NSMCE1: variants seen among roughly 807,000 people sequenced by gnomAD.
The protein encoded by NSMCE1 is non-structural maintenance of chromosomes element 1 homolog.
In NSMCE1, 18 loss-of-function variants were observed where a neutral mutation model predicts 29.6. The ratio of observed to expected loss-of-function variants is 0.61; its 90% CI spans 0.42 to 0.90. The LOEUF (loss-of-function observed/expected upper bound fraction) is 0.90, where lower values mean the gene tolerates loss of function less well. Among genes scored for constraint, NSMCE1 ranks in the 40% least tolerant of loss-of-function variants. NSMCE1 has a pLI of 0.00. For missense variants in NSMCE1, 314 were observed against 343.6 expected (o/e 0.91, Z 0.68); for synonymous variants, 124 against 133.4 (o/e 0.93, Z 0.49).
chr16:27,226,648 G>T, intron 6 of NSMCE1, 72 bp downstream of exon 6: 1 of 963,826 alleles, frequency 1.0e-6, no homozygotes, highest in Non-Finnish European at 1.6e-6. Context: ...CCAGGATTCC[G>T]GGAAGTACCT....
At chr16:27,258,304 T>C (rs1171682176) in intron 1 of NSMCE1, among the ~76,000 whole-genome samples, 8 of 152,274 alleles carry the variant, frequency 5.3e-5, no homozygotes. Context: ...AAACGCTGGC[T>C]ACTGCCATGG....
intron 7 of NSMCE1, 111 bp downstream of exon 7, chr16:27,225,615 C>A: frequency 7.8e-7 from 1 of 1,281,644 alleles, no homozygotes; most frequent in African/African-American, 1.5e-5. Flanking sequence ...TAACACGGAC[C>A]CCCACACACC....
In NSMCE1 at chr16:27,225,168, TG is replaced by T; in HGVS notation, c.789del (p.Arg264GlyfsTer15). Reference sequence around the variant, plus strand: ...GCAGGGCACGATGGCTAATGCTGCCTGGACCGCAGGGACTTTTTGTTCGATT... The same window carrying T: ...GCAGGGCACGATGGCTAATGCTGCCTGACCGCAGGGACTTTTTGTTCGATT... The part of the protein sequence containing the change: ...VLKSNKKSLR[S>X]RQH On this transcript the variant is annotated frameshift_variant, in exon 8 of 8. Coordinates refer to ENST00000361439, the MANE Select transcript of NSMCE1 (RefSeq NM_145080.4). LOFTEE classifies it high-confidence loss of function. 1 of 1,600,804 alleles carries T rather than the reference TG, an allele frequency of 6.2e-7. No homozygotes were observed. Among genetic ancestry groups the T allele is most frequent in the South Asian group, 1.1e-5 (1 of 89,176 alleles).
At chr16:27,236,953 A>T (rs1006544666) in intron 2 of NSMCE1, among the ~76,000 whole-genome samples, 4 of 142,538 alleles carry the variant, frequency 2.8e-5, no homozygotes, top group African/African-American at 1.1e-4. Flanking sequence ...TCATAAAGTT[A>T]AAAAAAAAAA....
intron 2 of NSMCE1, among the ~76,000 whole-genome samples, chr16:27,247,292 G>T (rs772745683): frequency 6.6e-6 from 1 of 152,044 alleles, no homozygotes; most frequent in Non-Finnish European, 1.5e-5. Flanking sequence ...GTTTTATAAG[G>T]GTCTTTTCCC....
intron 1 of NSMCE1, among the ~76,000 whole-genome samples, chr16:27,259,171 A>T (rs2084125408): frequency 6.6e-6 from 1 of 152,058 alleles, no homozygotes; most frequent in African/African-American, 2.4e-5. Flanking sequence ...TCTGCACCTC[A>T]ACAAAGCCTA....
rs557504348 is a variant in NSMCE1, at chr16:27,248,276, T to C, written c.136+9159A>G. Among the ~76,000 whole-genome samples, 62 of 152,342 alleles carry C rather than the reference T, an allele frequency of 4.1e-4. 2 individuals carry two copies. The South Asian group carries it at 0.013, about 31-fold the overall frequency. On this transcript the variant is annotated intron_variant, in intron 2 of 7. Coordinates refer to ENST00000361439, the MANE Select transcript of NSMCE1 (RefSeq NM_145080.4). The stretch of plus-strand genomic sequence containing the variant: ...GTTTTCCTAAATGGCTGTCCCATTT[T>C]ACATTCCCAACAGTAGTATATTAGA...
chr16:27,236,126 A>G (rs2083821342), intron 2 of NSMCE1, among the ~76,000 whole-genome samples: 1 of 152,124 alleles, frequency 6.6e-6, no homozygotes, highest in Non-Finnish European at 1.5e-5. Flanking sequence ...GGGGGCACCC[A>G]CACTATTGCC....
rs912884604 is a variant in NSMCE1, at chr16:27,228,165, C to T, written c.484-1329G>A. ...AGTGCAATGTGGAGGGGTGTGCTTGCGTAATCTGGGCTCACAGTGCGTTCG... is the reference window on the plus strand; with the variant it reads ...AGTGCAATGTGGAGGGGTGTGCTTGTGTAATCTGGGCTCACAGTGCGTTCG... On this transcript the variant is annotated intron_variant, in intron 5 of 7. Coordinates refer to ENST00000361439, the MANE Select transcript of NSMCE1 (RefSeq NM_145080.4). Among the ~76,000 whole-genome samples, 8 of 152,134 alleles carry T rather than the reference C, an allele frequency of 5.3e-5. No homozygotes were observed. In the South Asian group the frequency reaches 8.3e-4, roughly 16 times the overall value.
intron 2 of NSMCE1, among the ~76,000 whole-genome samples, chr16:27,241,184 CTG>C (rs1197863901): frequency 6.6e-6 from 1 of 152,234 alleles, no homozygotes; most frequent in Non-Finnish European, 1.5e-5. Context: ...CTAGGATTCA[CTG>C]TGCACTTGGG....
chr16:27,228,961 G>A (rs977969463), intron 5 of NSMCE1, among the ~76,000 whole-genome samples: 2 of 151,330 alleles, frequency 1.3e-5, no homozygotes, highest in African/African-American at 4.9e-5. Flanking sequence ...TGCTCCTGCT[G>A]CTCTCTGAGC....
intron 2 of NSMCE1, among the ~76,000 whole-genome samples, chr16:27,256,975 C>A (rs2084094179): frequency 6.6e-6 from 1 of 152,194 alleles, no homozygotes. Context: ...CCTTGATTCC[C>A]AGAGTGCAGG....
At chr16:27,237,993 G>A (rs908309947) in intron 2 of NSMCE1, among the ~76,000 whole-genome samples, 11 of 152,112 alleles carry the variant, frequency 7.2e-5, no homozygotes, top group Non-Finnish European at 1.0e-4. Context: ...TCATGTCCAC[G>A]ATCTCCATCG....
chr16:27,259,779 C>T (rs984914929), intron 1 of NSMCE1, among the ~76,000 whole-genome samples: 7 of 152,150 alleles, frequency 4.6e-5, no homozygotes, highest in Non-Finnish European at 1.0e-4. Flanking sequence ...AGAGATTAAA[C>T]ACAATCAAAG....
chr16:27,238,986 C>T (rs940723125), intron 2 of NSMCE1, among the ~76,000 whole-genome samples: 3 of 152,074 alleles, frequency 2.0e-5, no homozygotes, highest in African/African-American at 7.2e-5. Flanking sequence ...CCTCCTGCCT[C>T]AGCCTCCCCA....
intron 6 of NSMCE1, 111 bp from the exon 7 acceptor site, chr16:27,225,957 T>C: frequency 1.6e-6 from 2 of 1,281,532 alleles, no homozygotes; most frequent in Non-Finnish European, 2.2e-6. Context: ...TGTTATCTTC[T>C]GGGCCCCAGA....
At chr16:27,230,130 C>T (rs890067667) in intron 5 of NSMCE1, among the ~76,000 whole-genome samples, 2 of 152,172 alleles carry the variant, frequency 1.3e-5, no homozygotes, top group African/African-American at 4.8e-5. Context: ...TCCCATGAGC[C>T]GCGCTTGCTC....
intron 2 of NSMCE1, among the ~76,000 whole-genome samples, chr16:27,238,514 C>T (rs753216691): frequency 6.6e-5 from 10 of 151,382 alleles, no homozygotes; most frequent in Non-Finnish European, 1.3e-4. Flanking sequence ...CAGCCATGTC[C>T]CTCCCTAACG....
At chr16:27,238,648 C>G (rs1206354749) in intron 2 of NSMCE1, among the ~76,000 whole-genome samples, 1 of 151,698 alleles carries the variant, frequency 6.6e-6, no homozygotes, top group Non-Finnish European at 1.5e-5. Flanking sequence ...CTGAAGGGAC[C>G]AGAGATTAGG....
Sources: allele counts gnomAD v4.1 joint callset (sites outside exome capture counted in the v4.1 genomes callset), GRCh38; gene constraint gnomAD v4.1.1; transcripts MANE v1.5; gene names NCBI Gene and HGNC (gene_info 2026-07-23, HGNC 2026-07-21).